The following RAB38 variants were observed in gnomAD, a reference collection of about 807,000 sequenced individuals.
The protein encoded by RAB38 is RAB38, member RAS oncogene family, also known as ras-related protein Rab-38.
Under a neutral mutation model 18.4 loss-of-function variants are expected in RAB38, and 15 were observed. The ratio of observed to expected loss-of-function variants is 0.82; its 90% confidence interval spans 0.55 to 1.26. The LOEUF is 1.26. Ranked by LOEUF, RAB38 falls within the 50% of genes most tolerant of loss-of-function variation. The probability of loss-of-function intolerance (pLI) is 0.00; values close to 1 mark genes in which losing one functional copy is unlikely to be tolerated. For synonymous variants in RAB38, 101 were observed against 104.4 expected (o/e 0.97, Z 0.20); for missense variants, 294 against 267.4 (o/e 1.10, Z -0.69).
the RAB38 span, among the ~76,000 whole-genome samples, chr11:87,889,316 A>G: frequency 6.6e-6 from 1 of 151,662 alleles, no homozygotes; most frequent in African/African-American, 2.4e-5. Context: ...AGCACACATG[A>G]CCTCCCAAAT....
At chr11:87,948,874 G>A in the RAB38 span, among the ~76,000 whole-genome samples, 11 of 152,044 alleles carry the variant, frequency 7.2e-5, no homozygotes, top group Admixed American at 2.6e-4. Flanking sequence ...TCTCTGCCCG[G>A]CTTTGGTATC....
chr11:87,830,821 C>T, the RAB38 span, among the ~76,000 whole-genome samples: 33 of 151,936 alleles, frequency 2.2e-4, no homozygotes, highest in African/African-American at 8.0e-4. Flanking sequence ...AATTTTGAGA[C>T]AGGGTCTCTC....
chr11:87,973,548 G>A, the RAB38 span, among the ~76,000 whole-genome samples: 1 of 149,924 alleles, frequency 6.7e-6, no homozygotes, highest in Non-Finnish European at 1.5e-5. Flanking sequence ...GAGTATGGCA[G>A]TCTTGCTAAC....
the RAB38 span, chr11:88,062,171 C>A: frequency 6.6e-6 from 1 of 152,082 alleles, no homozygotes; most frequent in South Asian, 2.1e-4. Flanking sequence ...TCCCTGTAAT[C>A]CCCACATGTT....
chr11:88,052,873 T>C, the RAB38 span, among the ~76,000 whole-genome samples: 8 of 130,480 alleles, frequency 6.1e-5, no homozygotes, highest in African/African-American at 2.3e-4. Context: ...CTCTCATTAC[T>C]GCCTCCCAGG....
chr11:88,174,620 C>CAAAAAAAAAAAA (rs60026669), intron 1 of RAB38, among the ~76,000 whole-genome samples: 734 of 99,980 alleles, frequency 7.3e-3, no homozygotes, highest in East Asian at 0.018. Context: ...AAGCAAAAAG[C>CAAAAAAAAAAAA]AAAAAAAAAA....
the RAB38 span, among the ~76,000 whole-genome samples, chr11:88,026,793 A>G: frequency 6.6e-6 from 1 of 152,104 alleles, no homozygotes; most frequent in East Asian, 1.9e-4. Flanking sequence ...TGATTCAGAG[A>G]AATCATTAAT....
At chr11:88,077,093 C>G in the RAB38 span, among the ~76,000 whole-genome samples, 3 of 148,244 alleles carry the variant, frequency 2.0e-5, no homozygotes, top group Non-Finnish European at 4.5e-5. Context: ...ACCTAAGAAA[C>G]AAAAGATCTA....
the RAB38 span, among the ~76,000 whole-genome samples, chr11:87,932,430 G>T: frequency 6.6e-6 from 1 of 151,972 alleles, no homozygotes; most frequent in African/African-American, 2.4e-5. Context: ...TTGTGCAGGG[G>T]TTTCTAACAT....
the RAB38 span, among the ~76,000 whole-genome samples, chr11:87,911,438 A>AGTT: frequency 1.6e-3 from 241 of 152,142 alleles, no homozygotes; most frequent in Non-Finnish European, 3.1e-3. Flanking sequence ...GGTCTTTGTA[A>AGTT]GTTTGCTTCA....
the RAB38 span, among the ~76,000 whole-genome samples, chr11:88,039,122 C>A: frequency 1.3e-5 from 2 of 151,950 alleles, no homozygotes; most frequent in Non-Finnish European, 2.9e-5. Flanking sequence ...ATTTGTTTGT[C>A]GTGTTCCTTT....
the RAB38 span, among the ~76,000 whole-genome samples, chr11:88,107,546 T>C: frequency 4.5e-4 from 29 of 64,062 alleles, no homozygotes; most frequent in Admixed American, 5.4e-3. Flanking sequence ...GTTAAGAAAA[T>C]TGTTAATCTT....
chr11:88,013,156 C>A, the RAB38 span, among the ~76,000 whole-genome samples: 1 of 152,042 alleles, frequency 6.6e-6, no homozygotes, highest in Non-Finnish European at 1.5e-5. Context: ...TCACTAAATA[C>A]CAAAAATAAT....
the RAB38 span, among the ~76,000 whole-genome samples, chr11:87,938,519 G>A: frequency 1.3e-5 from 2 of 151,996 alleles, no homozygotes; most frequent in African/African-American, 4.8e-5. Flanking sequence ...CTATGCGTAG[G>A]GGAGAGGACA....
At chr11:87,855,019 T>G in the RAB38 span, among the ~76,000 whole-genome samples, 1 of 152,048 alleles carries the variant, frequency 6.6e-6, no homozygotes, top group East Asian at 1.9e-4. Flanking sequence ...ATGGTCTCGA[T>G]CTCCTGACGT....
At chr11:87,941,212 G>GATATAATATATATATATATAT in the RAB38 span, among the ~76,000 whole-genome samples, 5 of 37,780 alleles carry the variant, frequency 1.3e-4, no homozygotes, top group African/African-American at 6.5e-4. Flanking sequence ...ATAAATATAT[G>GATATAATATATATATATATAT]AGATATATAT....
At chr11:88,148,429 T>TC (rs905470633) in intron 2 of RAB38, among the ~76,000 whole-genome samples, 1 of 152,182 alleles carries the variant, frequency 6.6e-6, no homozygotes, top group African/African-American at 2.4e-5. Flanking sequence ...TAGCCACTAC[T>TC]CCAGTTTAAG....
chr11:88,171,837 A>AC (rs1312432836), intron 1 of RAB38, among the ~76,000 whole-genome samples: 1 of 152,208 alleles, frequency 6.6e-6, no homozygotes, highest in Non-Finnish European at 1.5e-5. Context: ...TCAAGTGTGA[A>AC]CTTTTTGTTT....
chr11:88,170,808 G>A (rs764189775), intron 1 of RAB38, among the ~76,000 whole-genome samples: 20 of 152,100 alleles, frequency 1.3e-4, no homozygotes, highest in South Asian at 6.2e-4. Context: ...AGAAACACTC[G>A]AAACACTCTC....
Sources: allele counts gnomAD v4.1 joint callset (sites outside exome capture counted in the v4.1 genomes callset), GRCh38; gene constraint gnomAD v4.1.1; transcripts MANE v1.5; gene names NCBI Gene and HGNC (gene_info 2026-07-23, HGNC 2026-07-21).